The following MRRF variants were observed in gnomAD, a reference collection of about 807,000 sequenced individuals.
MRRF encodes the protein ribosome-recycling factor, mitochondrial.
Under a neutral mutation model 25.1 loss-of-function variants are expected in MRRF, and 18 were observed. That is an observed-to-expected ratio of 0.72 (90% CI 0.50 to 1.06). The LOEUF (loss-of-function observed/expected upper bound fraction) is 1.06, where lower values mean the gene tolerates loss of function less well. MRRF is among the 50% of genes least tolerant of loss of function. The pLI is 0.00. For missense variants in MRRF, 323 were observed against 319.3 expected (o/e 1.01, Z -0.09); for synonymous variants, 113 against 112.1 (o/e 1.01, Z -0.05).
At chr9:122,306,196 A>G (rs550950916) in intron 5 of MRRF, among the ~76,000 whole-genome samples, 1 of 152,226 alleles carries the variant, frequency 6.6e-6, no homozygotes, top group Non-Finnish European at 1.5e-5. Context: ...TTTATTACCT[A>G]TATATGCAAA....
intron 2 of MRRF, among the ~76,000 whole-genome samples, chr9:122,273,461 A>T: frequency 6.7e-6 from 1 of 148,444 alleles, no homozygotes. Flanking sequence ...AAAAAAAAAG[A>T]TCTTGTACAG....
intron 5 of MRRF, among the ~76,000 whole-genome samples, chr9:122,311,115 T>G (rs896812127): frequency 7.9e-5 from 12 of 152,214 alleles, no homozygotes; most frequent in Admixed American, 5.9e-4. Flanking sequence ...ATAAGGAAAC[T>G]GAGGCTCACA....
chr9:122,276,157 G>A (rs936636150), intron 2 of MRRF, among the ~76,000 whole-genome samples: 5 of 151,812 alleles, frequency 3.3e-5, no homozygotes, highest in Non-Finnish European at 1.5e-5. Flanking sequence ...TGGGTGATCC[G>A]CCCACCTTGG....
At chr9:122,272,957 G>A (rs1832551104) in intron 2 of MRRF, among the ~76,000 whole-genome samples, 1 of 152,044 alleles carries the variant, frequency 6.6e-6, no homozygotes, top group South Asian at 2.1e-4. Context: ...TATATATATG[G>A]CATTGTGTCT....
At chr9:122,265,608 T>C in intron 1 of MRRF, 2 of 442,930 alleles carry the variant, frequency 4.5e-6, no homozygotes, top group South Asian at 1.8e-5. Flanking sequence ...TGGAAAGCTT[T>C]ATAGTTGGAA....
intron 2 of MRRF, among the ~76,000 whole-genome samples, chr9:122,272,897 A>G (rs960311836): frequency 6.6e-6 from 1 of 151,870 alleles, no homozygotes; most frequent in African/African-American, 2.4e-5. Flanking sequence ...TGATTAGCCT[A>G]CTCTTTACTC....
At chr9:122,268,488 G>C (rs73555220) in intron 1 of MRRF, among the ~76,000 whole-genome samples, 1,916 of 152,308 alleles carry the variant, frequency 0.013, 41 homozygotes, top group African/African-American at 0.04. Flanking sequence ...GAAAAACCTA[G>C]ATATAGAAAC....
chr9:122,296,821 A>G (rs1268496530), intron 5 of MRRF, among the ~76,000 whole-genome samples: 2 of 152,194 alleles, frequency 1.3e-5, no homozygotes, highest in African/African-American at 4.8e-5. Context: ...CACACTAAGT[A>G]GAATAGTGGT....
At chr9:122,308,848 G>A (rs751918772) in intron 5 of MRRF, among the ~76,000 whole-genome samples, 17 of 152,162 alleles carry the variant, frequency 1.1e-4, no homozygotes, top group Admixed American at 5.9e-4. Flanking sequence ...GACTACAGGC[G>A]CATACCATGA....
At position 122,293,087 on chromosome 9, in the gene MRRF, A is replaced by T. The variant is rs1022250047; in HGVS notation, c.551+1247A>T. On this transcript the variant is annotated intron_variant, in intron 5 of 6. Coordinates refer to ENST00000344641, the MANE Select transcript of MRRF (RefSeq NM_138777.5). ...TAAGTACGTAATGGAATGTCAAGTGATAGTAAGGACAATGAAGAAAAACAA... is the reference window on the plus strand; with the variant it reads ...TAAGTACGTAATGGAATGTCAAGTGTTAGTAAGGACAATGAAGAAAAACAA... 5.3e-5 allele frequency among the ~76,000 whole-genome samples: 8 copies of T among 152,278 alleles called. No individual in the cohort carries two copies. In the South Asian group the frequency reaches 1.7e-3, roughly 32 times the overall value.
intron 4 of MRRF, 48 bp from the exon 5 acceptor site, chr9:122,291,701 G>A (rs541001742): frequency 2.2e-6 from 3 of 1,335,428 alleles, no homozygotes; most frequent in Non-Finnish European, 3.2e-6. Flanking sequence ...GCTTGCATCT[G>A]GTAATAATTA....
chr9:122,321,884 A>G (rs1310357381), intron 6 of MRRF, among the ~76,000 whole-genome samples: 1 of 152,068 alleles, frequency 6.6e-6, no homozygotes, highest in Non-Finnish European at 1.5e-5. Context: ...GCTTCTCTAT[A>G]TTGTAGAATA....
chr9:122,274,254 T>C (rs1588008504), intron 2 of MRRF, among the ~76,000 whole-genome samples: 3 of 152,346 alleles, frequency 2.0e-5, no homozygotes, highest in Middle Eastern at 6.8e-3. Flanking sequence ...ACCACAGAGC[T>C]ATAGTAACCA....
chr9:122,288,709 C>CCAACTCT lies in MRRF; in HGVS notation c.460-3040_460-3039insCAACTCT, dbSNP rs1268847605. On this transcript the variant is annotated intron_variant, in intron 4 of 6. Coordinates refer to ENST00000344641, the MANE Select transcript of MRRF (RefSeq NM_138777.5). ...AATGGAAGGCCAGTAATTGATATGG[C>CCAACTCT]ACTAGCAGAGTTGACTTGAATTTAA... 3.6e-4 allele frequency among the ~76,000 whole-genome samples: 55 copies of CCAACTCT among 152,332 alleles called. 1 individual carries two copies. The highest frequency in any genetic ancestry group is 3.6e-3 in the Admixed American group (55 of 15,296).
At chr9:122,301,173 GC>G (rs1170160756) in intron 5 of MRRF, among the ~76,000 whole-genome samples, 29 of 152,230 alleles carry the variant, frequency 1.9e-4, no homozygotes, top group Admixed American at 1.8e-3. Context: ...CAGTAAAAAA[GC>G]CTTGAGTTAT....
At chr9:122,277,070 G>C (rs1832822626) in intron 2 of MRRF, among the ~76,000 whole-genome samples, 1 of 152,070 alleles carries the variant, frequency 6.6e-6, no homozygotes, top group Non-Finnish European at 1.5e-5. Flanking sequence ...ATGTTTCCCA[G>C]ACTGGTCTTG....
rs1836092604 is a variant in MRRF at position 122,325,151 on chromosome 9, A to G, written c.*2534A>G. 6.6e-6 allele frequency: 1 copy of G among 152,244 alleles called. No homozygotes were observed. Among genetic ancestry groups the G allele is most frequent in the South Asian group, 2.1e-4 (1 of 4,832 alleles). The allele number at this position is 152,244 out of a possible 1,614,324, so 9.4% of individuals were successfully genotyped here. ...CAGCCAAATCCTCTGTAGTCTTTAA[A>G]TAAACAAAAACTTATTTGGTGAACA... On this transcript the variant is annotated 3_prime_UTR_variant, in exon 7 of 7. Coordinates refer to ENST00000344641, the MANE Select transcript of MRRF (RefSeq NM_138777.5).
intron 1 of MRRF, among the ~76,000 whole-genome samples, chr9:122,267,929 C>A (rs1465764233): frequency 6.6e-6 from 1 of 152,182 alleles, no homozygotes; most frequent in African/African-American, 2.4e-5. Context: ...TCCCCAAGGT[C>A]ACACAGCTAG....
At chr9:122,300,739 T>C (rs534996484) in intron 5 of MRRF, among the ~76,000 whole-genome samples, 16 of 152,228 alleles carry the variant, frequency 1.1e-4, no homozygotes, top group Non-Finnish European at 1.8e-4. Context: ...CCTGCATTTT[T>C]ACAGATGGGA....
Sources: allele counts gnomAD v4.1 joint callset (sites outside exome capture counted in the v4.1 genomes callset), GRCh38; gene constraint gnomAD v4.1.1; transcripts MANE v1.5; gene names NCBI Gene and HGNC (gene_info 2026-07-23, HGNC 2026-07-21).